The following ST8SIA6 variants were observed in gnomAD, a reference collection of about 807,000 sequenced individuals.
ST8SIA6 encodes the protein alpha-2,8-sialyltransferase 8F.
A neutral mutation model predicts 33.6 loss-of-function variants in ST8SIA6; 39 were observed. That is an observed-to-expected ratio of 1.16 (90% confidence interval 0.90 to 1.52). The LOEUF (loss-of-function observed/expected upper bound fraction) is 1.52. ST8SIA6 is among the 40% of genes most tolerant of loss of function. ST8SIA6 has a pLI of 0.00. For missense variants in ST8SIA6, 441 were observed against 443.8 expected (o/e 0.99, Z 0.06); for synonymous variants, 172 against 167.2 (o/e 1.03, Z -0.22).
intron 5 of ST8SIA6, among the ~76,000 whole-genome samples, chr10:17,329,474 C>T (rs1848231132): frequency 6.6e-6 from 1 of 152,152 alleles, no homozygotes; most frequent in Non-Finnish European, 1.5e-5. Flanking sequence ...GTGACTGGCT[C>T]TTAAATGAAT....
intron 2 of ST8SIA6, among the ~76,000 whole-genome samples, chr10:17,448,228 GA>G (rs1176813431): frequency 6.6e-6 from 1 of 152,176 alleles, no homozygotes; most frequent in East Asian, 1.9e-4. Context: ...ACCTCTATAG[GA>G]AAACAGAGAC....
intron 4 of ST8SIA6, among the ~76,000 whole-genome samples, chr10:17,346,015 G>T (rs570287843): frequency 2.0e-5 from 3 of 152,316 alleles, no homozygotes; most frequent in African/African-American, 7.2e-5. Context: ...GATTTCCAAT[G>T]CGAGGTCATA....
In ST8SIA6 at chr10:17,374,068, C is replaced by G. The variant is rs1222678604; in HGVS notation, c.291-14468G>C. On this transcript the variant is annotated intron_variant, in intron 3 of 7. Transcript: ENST00000377602. ...GCTAGTTATCTTTTAACATCAACAA[C>G]CACCACACACACACACACACACACA... Among the ~76,000 whole-genome samples, 5 of 123,346 alleles carry G rather than the reference C, an allele frequency of 4.1e-5. No individual in the cohort carries two copies. In the East Asian group the frequency reaches 1.3e-3, roughly 32 times the overall value. 80.9% of individuals were successfully genotyped at this position (123,346 alleles called of 152,430 possible).
At chr10:17,450,288 T>C (rs896412656) in intron 2 of ST8SIA6, among the ~76,000 whole-genome samples, 3 of 152,168 alleles carry the variant, frequency 2.0e-5, no homozygotes, top group African/African-American at 4.8e-5. Context: ...CTGCAGATCT[T>C]ATCGTTGGCT....
chr10:17,355,167 A>G (rs1436801205), intron 4 of ST8SIA6, among the ~76,000 whole-genome samples: 1 of 152,134 alleles, frequency 6.6e-6, no homozygotes, highest in Non-Finnish European at 1.5e-5. Flanking sequence ...GAGAGAATTC[A>G]TTTTCTCTTA....
intron 4 of ST8SIA6, among the ~76,000 whole-genome samples, chr10:17,354,479 A>G (rs1588830086): frequency 6.6e-6 from 1 of 152,226 alleles, no homozygotes; most frequent in Non-Finnish European, 1.5e-5. Flanking sequence ...AGACACCTCA[A>G]CATTGTTGAC....
chr10:17,374,739 T>A (rs1588855791), intron 3 of ST8SIA6, among the ~76,000 whole-genome samples: 2 of 70,916 alleles, frequency 2.8e-5, no homozygotes, highest in East Asian at 1.2e-3. Context: ...AATAAATAAA[T>A]AAATAAATAA....
At chr10:17,403,549 C>T (rs551925899) in intron 2 of ST8SIA6, 1 of 152,316 alleles carries the variant, frequency 6.6e-6, no homozygotes, top group African/African-American at 2.4e-5. Flanking sequence ...TGATTGTTCA[C>T]CGTCAGTTAC....
intron 7 of ST8SIA6, among the ~76,000 whole-genome samples, chr10:17,321,925 G>A (rs529442862): frequency 5.3e-5 from 8 of 152,010 alleles, no homozygotes; most frequent in East Asian, 1.9e-4. Context: ...GTGAGACCCC[G>A]CCCCACATCT....
chr10:17,417,571 G>A, intron 2 of ST8SIA6, among the ~76,000 whole-genome samples: 1 of 151,700 alleles, frequency 6.6e-6, no homozygotes, highest in East Asian at 1.9e-4. Context: ...AGCTCCAGGA[G>A]GGCAGGCTTT....
intron 4 of ST8SIA6, among the ~76,000 whole-genome samples, chr10:17,358,646 AAAGAATAAGGAGGAGGAGGAAAGAAG>A (rs1849276258): frequency 8.1e-6 from 1 of 123,482 alleles, no homozygotes. Flanking sequence ...AGGAGAAGAA[AAAGAATAAGGAGGAGGAGGAAAGAAG>A]AAAGAAGAAG....
chr10:17,415,935 G>A (rs948860374), intron 2 of ST8SIA6, among the ~76,000 whole-genome samples: 4 of 147,530 alleles, frequency 2.7e-5, no homozygotes, highest in Non-Finnish European at 4.5e-5. Context: ...TCAGCCTCCC[G>A]AGTAACTGGG....
chr10:17,421,506 G>A (rs755353290), intron 2 of ST8SIA6, among the ~76,000 whole-genome samples: 1 of 152,146 alleles, frequency 6.6e-6, no homozygotes, highest in Non-Finnish European at 1.5e-5. Flanking sequence ...CAATTAACTA[G>A]CCCTGAATGA....
intron 2 of ST8SIA6, among the ~76,000 whole-genome samples, chr10:17,453,167 C>A (rs11816073): frequency 0.25 from 37,525 of 149,952 alleles, 8,528 homozygotes; most frequent in African/African-American, 0.62. Context: ...ACACCGGTGC[C>A]CTTTAAAGCA....
chr10:17,374,768 T>TATATATATATATATACACATA (rs1554792825), intron 3 of ST8SIA6, among the ~76,000 whole-genome samples: 1 of 147,226 alleles, frequency 6.8e-6, no homozygotes, highest in East Asian at 2.0e-4. Flanking sequence ...TATATATATA[T>TATATATATATATATACACATA]TTAGCTCAAC....
At chr10:17,384,640 A>AT (rs797008988) in intron 3 of ST8SIA6, among the ~76,000 whole-genome samples, 13 of 151,248 alleles carry the variant, frequency 8.6e-5, no homozygotes, top group African/African-American at 1.5e-4. Flanking sequence ...TGATGTTTTC[A>AT]TTTTTTTTTC....
At chr10:17,383,384 T>A (rs1172877991) in intron 3 of ST8SIA6, among the ~76,000 whole-genome samples, 1 of 152,220 alleles carries the variant, frequency 6.6e-6, no homozygotes, top group African/African-American at 2.4e-5. Context: ...AAAGTGGTAT[T>A]TAGTTTTCTT....
At chr10:17,418,458 C>T (rs1769484521) in intron 2 of ST8SIA6, among the ~76,000 whole-genome samples, 1 of 152,050 alleles carries the variant, frequency 6.6e-6, no homozygotes, top group Non-Finnish European at 1.5e-5. Flanking sequence ...ATGCCATGGG[C>T]CTGTGATTTC....
intron 3 of ST8SIA6, among the ~76,000 whole-genome samples, chr10:17,377,838 AC>A (rs1023637168): frequency 3.9e-5 from 6 of 152,306 alleles, no homozygotes; most frequent in Admixed American, 3.9e-4. Context: ...AAACGAAATT[AC>A]TTTTTTATCG....
Sources: gnomAD v4.1 joint callset for allele counts (sites outside exome capture counted in the v4.1 genomes callset) on GRCh38, gnomAD v4.1.1 for gene constraint, MANE v1.5 for transcripts, NCBI Gene and HGNC (gene_info 2026-07-23, HGNC 2026-07-21) for gene names.